ARFGEF1: variants seen among roughly 807,000 people sequenced by gnomAD.
ARFGEF1 encodes ARF guanine nucleotide exchange factor 1.
In ARFGEF1, 42 loss-of-function variants were observed where a neutral mutation model predicts 231.0. The ratio of observed to expected loss-of-function variants is 0.18; its 90% CI spans 0.14 to 0.24. The LOEUF is 0.24. Among genes scored for constraint, ARFGEF1 ranks in the 10% least tolerant of loss-of-function variants. The pLI, the probability that ARFGEF1 is intolerant of heterozygous loss-of-function variation, is 1.00. For missense variants in ARFGEF1, 1,345 were observed against 2,192.0 expected (o/e 0.61, Z 7.72); for synonymous variants, 710 against 732.3 (o/e 0.97, Z 0.49).
rs191712425 is a variant in ARFGEF1, at chr8:67,291,360, A to T, written c.916+487T>A. Reference sequence around the variant, plus strand: ...ATTACTATGCATCATGATTTTAAAAAATGAAAATTTCTATCAGTTGGTTAC... The same window carrying T: ...ATTACTATGCATCATGATTTTAAAATATGAAAATTTCTATCAGTTGGTTAC... On this transcript the variant is annotated intron_variant, in intron 6 of 38. Coordinates refer to ENST00000262215, the MANE Select transcript of ARFGEF1 (RefSeq NM_006421.5). Among the ~76,000 whole-genome samples the T allele has an allele frequency of 1.6e-3, 248 of 152,130 alleles. 1 individual carries two copies. Among genetic ancestry groups the T allele is most frequent in the South Asian group, 0.014 (70 of 4,834 alleles).
At chr8:67,226,283 G>T in intron 27 of ARFGEF1, 100 bp from the exon 28 acceptor site, 1 of 1,093,114 alleles carries the variant, frequency 9.1e-7, no homozygotes, top group Non-Finnish European at 1.3e-6. Context: ...CCTCTTAAAG[G>T]TTGTTACAGG....
chr8:67,196,795 T>C (rs1838014805), downstream of ARFGEF1, among the ~76,000 whole-genome samples: 2 of 152,328 alleles, frequency 1.3e-5, no homozygotes, highest in South Asian at 4.1e-4. Flanking sequence ...GTGGAGCACT[T>C]ACCCTCACAC....
chr8:67,249,105 C>T (rs1157244591), intron 19 of ARFGEF1, among the ~76,000 whole-genome samples: 1 of 150,256 alleles, frequency 6.7e-6, no homozygotes, highest in African/African-American at 2.5e-5. Context: ...GATGTTGGGA[C>T]AAGTGAAGAG....
In ARFGEF1 at chr8:67,222,212, C is replaced by CAT. The variant is rs1194032624; in HGVS notation, c.4209-2654_4209-2653dup. Among the ~76,000 whole-genome samples, 397 of 117,872 alleles carry CAT rather than the reference C, an allele frequency of 3.4e-3. 6 individuals are homozygous for CAT. Among genetic ancestry groups the CAT allele is most frequent in the Middle Eastern group, 0.017 (4 of 242 alleles). The allele number at this position is 117,872 out of a possible 152,430, so 77.3% of individuals were successfully genotyped here. A position where few individuals can be genotyped will look rare whatever the true frequency, so the allele number is the denominator to read the frequency against. ...ATATATATATATATATATACACACA[C>CAT]ATATATATATATGTATATGTATGTA... On this transcript the variant is annotated intron_variant, in intron 29 of 38. Coordinates refer to ENST00000262215, the MANE Select transcript of ARFGEF1 (RefSeq NM_006421.5).
chr8:67,303,584 C>T (rs1392236491), intron 1 of ARFGEF1, among the ~76,000 whole-genome samples: 1 of 151,856 alleles, frequency 6.6e-6, no homozygotes, highest in Non-Finnish European at 1.5e-5. Flanking sequence ...GCTGGTGGTG[C>T]GCGCCTATAA....
chr8:67,321,171 G>C (rs1302705643), intron 1 of ARFGEF1, among the ~76,000 whole-genome samples: 1 of 118,214 alleles, frequency 8.5e-6, no homozygotes, highest in Admixed American at 9.0e-5. Context: ...ATGGGGGGGG[G>C]TTTGGGGGTG....
chr8:67,260,053 A>G (rs894622348), intron 14 of ARFGEF1, 127 bp from the exon 15 acceptor site: 2 of 453,488 alleles, frequency 4.4e-6, no homozygotes, highest in African/African-American at 4.0e-5. Flanking sequence ...ACATCAGTAC[A>G]TGAATGTACA....
intron 22 of ARFGEF1, among the ~76,000 whole-genome samples, chr8:67,235,387 T>C (rs1319627551): frequency 1.3e-5 from 2 of 151,988 alleles, no homozygotes; most frequent in African/African-American, 4.8e-5. Flanking sequence ...GATGGTTATG[T>C]AGAAAAGAAA....
intron 1 of ARFGEF1, among the ~76,000 whole-genome samples, chr8:67,312,194 C>T (rs190595541): frequency 0.016 from 2,438 of 150,834 alleles, 69 homozygotes; most frequent in African/African-American, 0.057. Context: ...CATGACCCTG[C>T]CAAATCCCCC....
At position 67,259,861 on chromosome 8, in the gene ARFGEF1, G is replaced by A. The variant is rs769194487; in HGVS notation, c.2189C>T (p.Pro730Leu). The A allele has an allele frequency of 5.6e-6, 9 of 1,613,048 alleles. No homozygotes were observed. In the African/African-American group the frequency reaches 8.0e-5, roughly 14 times the overall value. The part of the protein sequence containing the change: ...LQEQGMLGTT[P>L]EDIAQFLHQE... ...ATGTAAGAATTGGGCAATATCTTCA[G>A]GTGTGGTGCCAAGCATCCCTTGTTC... is the stretch of plus-strand genomic sequence containing the variant. Residue 730 changes from proline (P) to leucine (L), a missense_variant, in exon 15 of 39, where the codon CCT (proline) becomes CTT (leucine). By Grantham distance (98) the Pro-to-Leu change is moderately conservative. Around this residue, in one of 14 missense-constraint regions of ARFGEF1, gnomAD observed 105 missense variants for 159.3 expected, o/e 0.66. Coordinates refer to ENST00000262215, the MANE Select transcript of ARFGEF1 (RefSeq NM_006421.5).
intron 1 of ARFGEF1, among the ~76,000 whole-genome samples, chr8:67,305,059 T>C (rs1027084192): frequency 6.6e-6 from 1 of 152,208 alleles, no homozygotes; most frequent in Non-Finnish European, 1.5e-5. Flanking sequence ...AATAGGATAT[T>C]CTAGTTAAGT....
chr8:67,306,229 A>T (rs1303034621), intron 1 of ARFGEF1, among the ~76,000 whole-genome samples: 1 of 152,232 alleles, frequency 6.6e-6, no homozygotes, highest in African/African-American at 2.4e-5. Flanking sequence ...GTGATAACTG[A>T]GATGGCTACT....
At chr8:67,186,515 A>T (rs148543378) in intron 5 of ARFGEF1, among the ~76,000 whole-genome samples, 4 of 152,278 alleles carry the variant, frequency 2.6e-5, no homozygotes, top group Non-Finnish European at 5.9e-5. Context: ...TAACTCAGCA[A>T]ACTTGGAATA....
chr8:67,197,839 G>A lies in ARFGEF1; in HGVS notation c.*1095C>T, dbSNP rs967141993. The stretch of plus-strand genomic sequence containing the variant: ...AATTTTCTACATCCACTGTTAATAC[G>A]GAATGCTTGACAATCTTGTCTTTTA... On this transcript the variant is annotated 3_prime_UTR_variant, in exon 39 of 39. Transcript: ENST00000262215. 5.5e-5 allele frequency: 54 copies of A among 985,578 alleles called. No individual in the cohort carries two copies. The highest frequency in any genetic ancestry group is 1.2e-4 in the Admixed American group (2 of 16,248). The allele number at this position is 985,578 out of a possible 1,614,324, so 61.1% of individuals were successfully genotyped here. A position where few individuals can be genotyped will look rare whatever the true frequency, so the allele number is the denominator to read the frequency against.
chr8:67,321,622 G>A (rs779721161), intron 1 of ARFGEF1, among the ~76,000 whole-genome samples: 64 of 151,966 alleles, frequency 4.2e-4, no homozygotes, highest in Non-Finnish European at 6.6e-4. Context: ...CACCACGCCC[G>A]GCTATTTTTT....
intron 15 of ARFGEF1, among the ~76,000 whole-genome samples, chr8:67,258,818 TAC>T (rs10576509): frequency 0.12 from 17,722 of 142,496 alleles, 2,174 homozygotes; most frequent in African/African-American, 0.33. Context: ...AAGCAGATTT[TAC>T]ACACACACAC....
At chr8:67,328,445 TGCA>T (rs1807941771) in intron 1 of ARFGEF1, among the ~76,000 whole-genome samples, 1 of 149,572 alleles carries the variant, frequency 6.7e-6, no homozygotes, top group South Asian at 2.1e-4. Context: ...TATTTTTTAG[TGCA>T]GAAGTTTTCT....
intron 23 of ARFGEF1, 93 bp from the exon 24 acceptor site, chr8:67,228,357 T>C (rs1839447505): frequency 8.0e-7 from 1 of 1,247,252 alleles, no homozygotes; most frequent in Non-Finnish European, 1.1e-6. Context: ...GCTATTTTTA[T>C]GTTTTAAGGG....
intron 29 of ARFGEF1, among the ~76,000 whole-genome samples, chr8:67,223,672 AGG>A (rs1839278028): frequency 6.6e-6 from 1 of 152,166 alleles, no homozygotes; most frequent in Admixed American, 6.5e-5. Flanking sequence ...GTGAGAAATA[AGG>A]TATCACAGTG....
Sources: gnomAD v4.1 joint callset for allele counts (sites outside exome capture counted in the v4.1 genomes callset) on GRCh38, gnomAD v4.1.1 for gene constraint, gnomAD v4.1.1 regional missense constraint, MANE v1.5 for transcripts, NCBI Gene and HGNC (gene_info 2026-07-23, HGNC 2026-07-21) for gene names.